The following VAC14 variants were observed in gnomAD, a reference collection of about 807,000 sequenced individuals.
The protein encoded by VAC14 is VAC14 component of PIKFYVE complex.
Under a neutral mutation model 85.3 loss-of-function variants are expected in VAC14, and 47 were observed. The ratio of observed to expected loss-of-function variants is 0.55; its 90% CI spans 0.44 to 0.70. VAC14 has a LOEUF of 0.70. Ranked by LOEUF, VAC14 falls within the 30% of genes least tolerant of loss-of-function variation. VAC14 has a pLI of 0.00. For missense variants in VAC14, 861 were observed against 1,004.3 expected (o/e 0.86, Z 1.93); for synonymous variants, 447 against 430.5 (o/e 1.04, Z -0.47).
At chr16:70,796,990 G>T (rs112504862) in intron 1 of VAC14, among the ~76,000 whole-genome samples, 62 of 152,298 alleles carry the variant, frequency 4.1e-4, no homozygotes, top group Non-Finnish European at 7.5e-4. Context: ...CACTTTGGGA[G>T]GCTGCAGTGG....
At chr16:70,763,230 A>C (rs1231703169) in intron 10 of VAC14, among the ~76,000 whole-genome samples, 1 of 152,170 alleles carries the variant, frequency 6.6e-6, no homozygotes, top group Non-Finnish European at 1.5e-5. Context: ...AGGGGTTTGA[A>C]GGGGGCTTCT....
At chr16:70,784,397 C>T (rs1355808561) in intron 4 of VAC14, among the ~76,000 whole-genome samples, 177 bp from the exon 5 acceptor site, 3 of 152,072 alleles carry the variant, frequency 2.0e-5, no homozygotes, top group South Asian at 2.1e-4. Context: ...CCACGGGATA[C>T]GAAAAACGGG....
At chr16:70,711,770 T>C (rs1251621982) in intron 14 of VAC14, among the ~76,000 whole-genome samples, 1 of 152,182 alleles carries the variant, frequency 6.6e-6, no homozygotes, top group African/African-American at 2.4e-5. Flanking sequence ...AGGGGTTTTG[T>C]GAAATTTTAT....
chr16:70,748,412 G>A (rs189252180), intron 12 of VAC14, among the ~76,000 whole-genome samples: 1 of 152,122 alleles, frequency 6.6e-6, no homozygotes, highest in African/African-American at 2.4e-5. Context: ...GATGATGCCT[G>A]GGGGGGAGCC....
rs1241557035 is a variant in VAC14 at position 70,744,459 on chromosome 16, G to C, written c.1492C>G (p.Pro498Ala). 1 of 1,614,080 alleles carries C rather than the reference G, an allele frequency of 6.2e-7. No homozygotes were observed. The highest frequency in any genetic ancestry group is 1.1e-5 in the South Asian group (1 of 91,084). Residue 498 changes from proline to alanine, a missense_variant, in exon 13 of 19, where the codon CCC becomes GCC. Transcript: ENST00000261776. ...LQASHSELQV[P>A]TPGRAGLLNT... Reference sequence around the variant, plus strand: ...AGTAGGCCGGCTCTGCCAGGGGTGGGCACCTGGAGCTCTGAGTGGCTGGCC... The same window carrying C: ...AGTAGGCCGGCTCTGCCAGGGGTGGCCACCTGGAGCTCTGAGTGGCTGGCC...
chr16:70,778,807 G>C (rs566727096), intron 9 of VAC14: 1 of 152,154 alleles, frequency 6.6e-6, no homozygotes, highest in African/African-American at 2.4e-5. Flanking sequence ...GGATAGTCTT[G>C]TTTCTTTGCA....
intron 14 of VAC14, among the ~76,000 whole-genome samples, chr16:70,701,266 G>C (rs2053822022): frequency 1.3e-5 from 2 of 152,154 alleles, no homozygotes; most frequent in Non-Finnish European, 2.9e-5. Context: ...CCCCTGCTGG[G>C]CTCTAGATGG....
At position 70,698,628 on chromosome 16, in the gene VAC14, G is replaced by A. The variant is rs111358571; in HGVS notation, c.1836+9C>T. On this transcript the variant is annotated intron_variant, in intron 15 of 18. Transcript: ENST00000261776. ...GACGCCTGAGGATGGAGTCCCGGAC[G>A]CAGCCTACCAGGGTCTTCAGGTCCT... The A allele has an allele frequency of 6.2e-4, 1,006 of 1,613,808 alleles. 7 individuals carry two copies. Among genetic ancestry groups the A allele is most frequent in the African/African-American group, 2.9e-3 (220 of 75,046 alleles).
intron 13 of VAC14, among the ~76,000 whole-genome samples, chr16:70,739,918 T>G (rs114147853): frequency 0.01 from 1,556 of 152,286 alleles, 24 homozygotes; most frequent in African/African-American, 0.036. Flanking sequence ...TAAAAACACC[T>G]TGGACCACTG....
intron 18 of VAC14, chr16:70,688,531 A>G (rs2053541733): frequency 1.0e-6 from 1 of 986,586 alleles, no homozygotes; most frequent in East Asian, 1.1e-4. Flanking sequence ...GGAAAATGGG[A>G]ATTGCTGAAG....
intron 14 of VAC14, among the ~76,000 whole-genome samples, chr16:70,725,168 GCCTCC>G (rs1342838200): frequency 1.9e-3 from 296 of 152,350 alleles, no homozygotes; most frequent in African/African-American, 6.5e-3. Context: ...CCCGGCCAAT[GCCTCC>G]AGGCAGGTGA....
chr16:70,799,227 A>G (rs1351709354), intron 1 of VAC14, among the ~76,000 whole-genome samples: 1 of 152,228 alleles, frequency 6.6e-6, no homozygotes, highest in East Asian at 1.9e-4. Flanking sequence ...ACAAAACCCC[A>G]TGGACACGGA....
chr16:70,782,027 A>G (rs1484389660), intron 7 of VAC14, 24 bp from the exon 8 acceptor site: 1 of 1,610,728 alleles, frequency 6.2e-7, no homozygotes. Context: ...CAGGGGGTTC[A>G]GAGGGGCCAG....
chr16:70,708,046 T>C (rs1239785007), intron 14 of VAC14, among the ~76,000 whole-genome samples: 1 of 152,214 alleles, frequency 6.6e-6, no homozygotes, highest in Admixed American at 6.5e-5. Flanking sequence ...CGCTTTGGCC[T>C]TCCAAAGTGC....
At chr16:70,766,032 C>T (rs2032783306) in intron 10 of VAC14, among the ~76,000 whole-genome samples, 1 of 151,752 alleles carries the variant, frequency 6.6e-6, no homozygotes, top group Admixed American at 6.6e-5. Context: ...ACTCGGGAGG[C>T]TGAAGTGGGA....
chr16:70,791,784 G>A (rs1348650075), intron 1 of VAC14, among the ~76,000 whole-genome samples: 2 of 152,228 alleles, frequency 1.3e-5, no homozygotes, highest in Non-Finnish European at 2.9e-5. Flanking sequence ...AGTGCAGTAG[G>A]TGGGGAAACA....
chr16:70,725,235 T>C (rs1026356380), intron 14 of VAC14, among the ~76,000 whole-genome samples: 1 of 152,156 alleles, frequency 6.6e-6, no homozygotes, highest in Non-Finnish European at 1.5e-5. Flanking sequence ...CGATGCCAAA[T>C]GGACTCGAGA....
intron 12 of VAC14, among the ~76,000 whole-genome samples, chr16:70,758,344 G>A (rs920488392): frequency 2.6e-5 from 4 of 152,170 alleles, no homozygotes; most frequent in Admixed American, 2.6e-4. Flanking sequence ...GCCCAGGGAG[G>A]GTAAACTCCT....
intron 18 of VAC14, chr16:70,692,151 A>G (rs2142984572): frequency 2.1e-6 from 2 of 955,372 alleles, no homozygotes; most frequent in Non-Finnish European, 2.5e-6. Context: ...GCTCTGGGGT[A>G]GGGGCCAGCC....
Sources: gnomAD v4.1 joint callset for allele counts (sites outside exome capture counted in the v4.1 genomes callset) on GRCh38, gnomAD v4.1.1 for gene constraint, MANE v1.5 for transcripts, NCBI Gene and HGNC (gene_info 2026-07-23, HGNC 2026-07-21) for gene names.